The following ADAM11 variants were observed in gnomAD, a reference collection of about 807,000 sequenced individuals.
ADAM11 encodes disintegrin and metalloproteinase domain-containing protein 11.
ADAM11 carries 49 observed loss-of-function variants against 119.1 expected under a neutral mutation model. The observed-to-expected ratio is 0.41, with a 90% CI of 0.33 to 0.52. The LOEUF is 0.52. Ranked by LOEUF, ADAM11 falls within the 20% of genes least tolerant of loss-of-function variation. ADAM11 has a pLI of 0.20. For missense variants in ADAM11, 777 were observed against 1,047.5 expected (o/e 0.74, Z 3.56); for synonymous variants, 364 against 408.0 (o/e 0.89, Z 1.30).
At position 44,780,414 on chromosome 17, in the gene ADAM11, A is replaced by G. The variant is rs2049677314; in HGVS notation, c.*660A>G. 1 of 331,126 alleles carries G rather than the reference A, an allele frequency of 3.0e-6. No individual in the cohort carries two copies. The highest frequency in any genetic ancestry group is 5.8e-6 in the Non-Finnish European group (1 of 172,272). 20.5% of individuals were successfully genotyped at this position (331,126 alleles called of 1,614,324 possible). Reference sequence around the variant, plus strand: ...TAGCCCCGCTGAGCTTGGAGGAAGTATGAGTGCTGATTCAAACCAAAGCTG... The same window carrying G: ...TAGCCCCGCTGAGCTTGGAGGAAGTGTGAGTGCTGATTCAAACCAAAGCTG... On this transcript the variant is annotated 3_prime_UTR_variant, in exon 27 of 27. Transcript: ENST00000200557.
intron 2 of ADAM11, among the ~76,000 whole-genome samples, chr17:44,762,394 G>A (rs1441563537): frequency 1.3e-5 from 2 of 152,208 alleles, no homozygotes; most frequent in African/African-American, 4.8e-5. Flanking sequence ...TCTCCTGCCT[G>A]GCATTTCTCC....
In ADAM11 at chr17:44,772,469, A is replaced by G; in HGVS notation, c.678+3A>G. ...CGAGGCTGAGAAGGAAAAGGCAGGT[A>G]CGGGGGCCCGCACAGACCTCGGGCT... On this transcript the variant is annotated splice_donor_region_variant and intron_variant, in intron 8 of 26. Transcript: ENST00000200557. The surrounding 1 kb of genome is among the most constrained non-coding windows in gnomAD (Gnocchi z 4.5). 6.4e-7 allele frequency: 1 copy of G among 1,565,180 alleles called. No individual in the cohort carries two copies. The highest frequency in any genetic ancestry group is 8.7e-7 in the Non-Finnish European group (1 of 1,155,308).
chr17:44,765,958 T>A (rs1454159713), intron 2 of ADAM11, among the ~76,000 whole-genome samples: 1 of 152,158 alleles, frequency 6.6e-6, no homozygotes, highest in Non-Finnish European at 1.5e-5. Context: ...GCCGGGGGCA[T>A]GAAGCAGCTT....
intron 2 of ADAM11, among the ~76,000 whole-genome samples, chr17:44,763,539 A>T (rs547055927): frequency 3.9e-5 from 6 of 152,254 alleles, no homozygotes; most frequent in Non-Finnish European, 7.4e-5. Context: ...GAGTGCAGAA[A>T]CCTGTGGTTC....
At position 44,774,685 on chromosome 17, in the gene ADAM11, G is replaced by A; in HGVS notation, c.1169-13G>A. The A allele has an allele frequency of 6.3e-7, 1 of 1,592,084 alleles. No individual in the cohort carries two copies. The highest frequency in any genetic ancestry group is 1.7e-4 in the Middle Eastern group (1 of 5,908). ...CCTTGGCCTCCCTCATATCCGCCTG[G>A]CTCACCCCTCAGGGGACTGCAAGTG... On this transcript the variant is annotated splice_polypyrimidine_tract_variant and intron_variant, in intron 13 of 26. Coordinates refer to ENST00000200557, the MANE Select transcript of ADAM11 (RefSeq NM_002390.6).
chr17:44,777,837 G>A lies in ADAM11; in HGVS notation c.2044G>A (p.Glu682Lys), dbSNP rs2049625753. 2 of 1,613,556 alleles carry A rather than the reference G, an allele frequency of 1.2e-6. No homozygotes were observed. Among genetic ancestry groups the A allele is most frequent in the African/African-American group, 2.7e-5 (2 of 74,930 alleles). ...FNFSTCPGSGERRICSHHGVC... is the reference protein window; with the variant it reads ...FNFSTCPGSGKRRICSHHGVC... ...CTTCAGCACCTGCCCCGGCAGTGGG[G>A]AGCGCCGGATTTGCTCCCACCACGG... Residue 682 changes from glutamate (E) to lysine (K), a missense_variant, in exon 23 of 27, where the codon GAG becomes AAG. This residue lies in a region of ADAM11 where 348 missense variants were observed against 486.7 expected (regional missense o/e 0.72). Transcript: ENST00000200557. The surrounding 1 kb of genome is among the most constrained non-coding windows in gnomAD (Gnocchi z 5.1).
At chr17:44,770,749 T>C (rs1352695994) in intron 4 of ADAM11, among the ~76,000 whole-genome samples, 2 of 152,210 alleles carry the variant, frequency 1.3e-5, no homozygotes, top group East Asian at 1.9e-4. Flanking sequence ...AGAGCAGTGC[T>C]GGGTACATGG....
At position 44,777,311 on chromosome 17, in the gene ADAM11, G is replaced by A. The variant is rs750751102; in HGVS notation, c.1781+46G>A. On this transcript the variant is annotated intron_variant, in intron 21 of 26. Coordinates refer to ENST00000200557, the MANE Select transcript of ADAM11 (RefSeq NM_002390.6). This position sits in a 1 kb window ranked among gnomAD's most constrained non-coding sequence, Gnocchi z 5.1. The stretch of plus-strand genomic sequence containing the variant: ...AGGGCCTCTCAGCTCCAGGGCAGGT[G>A]TGAGACTTTTCAGAGATGGGGCAGC... The A allele has an allele frequency of 1.3e-6, 2 of 1,568,752 alleles. No individual in the cohort carries two copies. Among genetic ancestry groups the A allele is most frequent in the Admixed American group, 3.5e-5 (2 of 56,844 alleles).
chr17:44,778,103 C>T (rs1317365087), intron 24 of ADAM11, 37 bp downstream of exon 24: 13 of 1,611,232 alleles, frequency 8.1e-6, no homozygotes, highest in East Asian at 2.2e-5. Context: ...TCTGTCTGTC[C>T]TGCTCTCTAT....
rs2049596603 is a variant in ADAM11, at chr17:44,776,045, G to A, written c.1486-82G>A. 1.3e-6 allele frequency: 2 copies of A among 1,512,058 alleles called. No individual in the cohort carries two copies. Among genetic ancestry groups the A allele is most frequent in the Admixed American group, 1.7e-5 (1 of 57,660 alleles). The allele number at this position is 1,512,058 out of a possible 1,614,324, so 93.7% of individuals were successfully genotyped here. A position where few individuals can be genotyped will look rare whatever the true frequency, so the allele number is the denominator to read the frequency against. On this transcript the variant is annotated intron_variant, in intron 17 of 26. Coordinates refer to ENST00000200557, the MANE Select transcript of ADAM11 (RefSeq NM_002390.6). The surrounding 1 kb of genome is among the most constrained non-coding windows in gnomAD (Gnocchi z 5.2). ...GGAGCTGGAGGGCCCGGGGATGTGG[G>A]GGTCCAGAGAGCGAGGGGCCTGGGG...
rs750094659 is a variant in ADAM11, at chr17:44,773,073, C to G, written c.813C>G (p.Asn271Lys). 1 of 1,613,874 alleles carries G rather than the reference C, an allele frequency of 6.2e-7. No homozygotes were observed. Among genetic ancestry groups the G allele is most frequent in the South Asian group, 1.1e-5 (1 of 91,080 alleles). Residue 271 changes from asparagine to lysine, a missense_variant, in exon 10 of 27, where the codon AAC (asparagine) becomes AAG (lysine). Asn to Lys is a moderately conservative substitution (Grantham distance 94). Transcript: ENST00000200557. This position sits in a 1 kb window ranked among gnomAD's most constrained non-coding sequence, Gnocchi z 4.6. ...GCAACTTTGCCAAGTCCGTGGTGAA[C>G]CTGGCCGATGTGGTAAGCAGCTCTC... ...LTSNFAKSVV[N>K]LADVIYKEQL...
At chr17:44,764,230 G>A (rs2049421700) in intron 2 of ADAM11, among the ~76,000 whole-genome samples, 1 of 152,210 alleles carries the variant, frequency 6.6e-6, no homozygotes, top group African/African-American at 2.4e-5. Context: ...TGTGAGAGAT[G>A]CCCAGGCCAG....
rs1016092059 is a variant in ADAM11 at position 44,776,191 on chromosome 17, C to G, written c.1550C>G (p.Thr517Ser). ...VNECDIAETC[T>S]GDSSQCPPNL... ...GAGTGCGACATCGCGGAGACCTGCA[C>G]CGGGGACTCTAGCCAGGTCCGCCCG... The change falls in exon 18 of 27, where the codon ACC becomes AGC. Residue 517 changes from threonine (T) to serine (S), a missense_variant. Physicochemically the swap from Thr to Ser is moderately conservative, Grantham distance 58. This residue lies in a region of ADAM11 where 348 missense variants were observed against 486.7 expected (regional missense o/e 0.72). Coordinates refer to ENST00000200557, the MANE Select transcript of ADAM11 (RefSeq NM_002390.6). This position sits in a 1 kb window ranked among gnomAD's most constrained non-coding sequence, Gnocchi z 5.2. 6.2e-7 allele frequency: 1 copy of G among 1,613,350 alleles called. No homozygotes were observed. Among genetic ancestry groups the G allele is most frequent in the African/African-American group, 1.3e-5 (1 of 74,876 alleles).
intron 2 of ADAM11, among the ~76,000 whole-genome samples, chr17:44,761,639 G>C (rs1454850149): frequency 6.6e-6 from 1 of 152,152 alleles, no homozygotes; most frequent in Admixed American, 6.5e-5. Flanking sequence ...GTCTCTCTGA[G>C]ACTGAGACTT....
chr17:44,777,455 G>C lies in ADAM11; in HGVS notation c.1782-27G>C, dbSNP rs1409753526. ...AGTTGAGTCTGAGGTCAAACTTGGG[G>C]CTCACTGTCTCTATATGCCCCAACA... On this transcript the variant is annotated intron_variant, in intron 21 of 26. Transcript: ENST00000200557. This position sits in a 1 kb window ranked among gnomAD's most constrained non-coding sequence, Gnocchi z 5.1. 1 of 1,610,970 alleles carries C rather than the reference G, an allele frequency of 6.2e-7. No individual in the cohort carries two copies. The highest frequency in any genetic ancestry group is 2.2e-5 in the East Asian group (1 of 44,862).
At chr17:44,770,400 C>T (rs16970978) in intron 4 of ADAM11, among the ~76,000 whole-genome samples, 6,435 of 152,116 alleles carry the variant, frequency 0.042, 449 homozygotes, top group African/African-American at 0.15. Context: ...ATCAAGGCCC[C>T]GAAAATCCCA....
rs1196615974 is a variant in ADAM11 at position 44,777,661 on chromosome 17, C to T, written c.1902-34C>T. On this transcript the variant is annotated intron_variant, in intron 22 of 26. Transcript: ENST00000200557. This position sits in a 1 kb window ranked among gnomAD's most constrained non-coding sequence, Gnocchi z 5.1. ...TGCAGCTGTGCTGGGGGTTAGGAGA[C>T]AGGGGGCTGAGGCTGGCTGTGTCAC... 6 of 1,613,344 alleles carry T rather than the reference C, an allele frequency of 3.7e-6. No individual in the cohort carries two copies. The highest frequency in any genetic ancestry group is 2.2e-5 in the East Asian group (1 of 44,862).
Position 44,775,483 on chromosome 17 carries a change from C to T in ADAM11, c.1392+18C>T, listed in dbSNP as rs755443097. The stretch of plus-strand genomic sequence containing the variant: ...CGGTGCAGGTGAGCGGTGGTGCGGG[C>T]GCCAGGTGGGGAACCGGGATGCGGG... On this transcript the variant is annotated intron_variant, in intron 16 of 26. Coordinates refer to ENST00000200557, the MANE Select transcript of ADAM11 (RefSeq NM_002390.6). The surrounding 1 kb of genome is among the most constrained non-coding windows in gnomAD (Gnocchi z 7.5). 7.5e-6 allele frequency: 12 copies of T among 1,601,168 alleles called. No homozygotes were observed. In the South Asian group the frequency reaches 1.1e-4, roughly 15 times the overall value.
At chr17:44,774,118 A>G (rs904671104) in intron 11 of ADAM11, among the ~76,000 whole-genome samples, 177 bp from the exon 12 acceptor site, 7 of 152,146 alleles carry the variant, frequency 4.6e-5, no homozygotes, top group Admixed American at 6.5e-5. Context: ...AGAAAGAAAA[A>G]AAAGAACCCA....
Sources: gnomAD v4.1 joint callset for allele counts (sites outside exome capture counted in the v4.1 genomes callset) on GRCh38, gnomAD v4.1.1 for gene constraint, gnomAD v4.1.1 regional missense constraint, Gnocchi (gnomAD v3.1) non-coding constraint, MANE v1.5 for transcripts, NCBI Gene and HGNC (gene_info 2026-07-23, HGNC 2026-07-21) for gene names.